The following PPP4R3B variants were observed in gnomAD, a reference collection of about 807,000 sequenced individuals.
PPP4R3B encodes protein phosphatase 4 regulatory subunit 3B, also known as serine/threonine-protein phosphatase 4 regulatory subunit 3B.
In PPP4R3B, 52 loss-of-function variants were observed where a neutral mutation model predicts 95.4. The ratio of observed to expected loss-of-function variants is 0.54; its 90% confidence interval spans 0.44 to 0.69. The LOEUF is 0.69. Among genes scored for constraint, PPP4R3B ranks in the 30% least tolerant of loss-of-function variants. The pLI is 0.00. For synonymous variants in PPP4R3B, 407 were observed against 343.9 expected, an observed-to-expected ratio of 1.18 and a Z score of -2.03; for missense variants, 1,003 against 1,005.9, an observed-to-expected ratio of 1.00 and a Z score of 0.04.
intron 4 of PPP4R3B, among the ~76,000 whole-genome samples, chr2:55,595,462 T>C (rs1224268736): frequency 5.3e-5 from 8 of 151,818 alleles, no homozygotes; most frequent in Non-Finnish European, 1.2e-4. Flanking sequence ...CCTGTCTCTA[T>C]ATAAAAAATA....
In PPP4R3B at chr2:55,585,055, T is replaced by C; in HGVS notation, c.1229A>G (p.Asp410Gly). 1 of 1,608,272 alleles carries C rather than the reference T, an allele frequency of 6.2e-7. No individual in the cohort carries two copies. The highest frequency in any genetic ancestry group is 8.5e-7 in the Non-Finnish European group (1 of 1,176,464). Residue 410 changes from aspartate to glycine, a missense_variant, in exon 7 of 17, where the codon GAT (aspartate) becomes GGT (glycine). Coordinates refer to ENST00000616407, the MANE Select transcript of PPP4R3B (RefSeq NM_001122964.3). ...AACCACAGCATTATTACTTACGTCATCACTCTGCTGAGCTTCTTGCATTAC... is the reference window on the plus strand; with the variant it reads ...AACCACAGCATTATTACTTACGTCACCACTCTGCTGAGCTTCTTGCATTAC... ...EFVMQEAQQS[D>G]DDILLINVVI...
chr2:55,595,426 G>A (rs1333979591), intron 4 of PPP4R3B, among the ~76,000 whole-genome samples: 9 of 150,902 alleles, frequency 6.0e-5, no homozygotes, highest in Non-Finnish European at 1.2e-4. Flanking sequence ...AGGAGTTTGA[G>A]ACCAGCCTGG....
At position 55,568,148 on chromosome 2, in the gene PPP4R3B, TTTACATATAA is replaced by T. The variant is rs762361783; in HGVS notation, c.1935+36_1935+45del. Reference sequence around the variant, plus strand: ...TGTAATTCTTTTACATAAAAAATTATTTACATATAATTACATATAATAACAGCTGTTTTAT... The same window carrying T: ...TGTAATTCTTTTACATAAAAAATTATTTACATATAATAACAGCTGTTTTAT... On this transcript the variant is annotated intron_variant, in intron 13 of 16. Coordinates refer to ENST00000616407, the MANE Select transcript of PPP4R3B (RefSeq NM_001122964.3). 6 of 1,248,402 alleles carry T rather than the reference TTTACATATAA, an allele frequency of 4.8e-6. No homozygotes were observed. The African/African-American group carries it at 7.8e-5, about 16-fold the overall frequency. The allele number at this position is 1,248,402 out of a possible 1,614,324, so 77.3% of individuals were successfully genotyped here.
At chr2:55,561,218 G>T (rs377055624) in intron 15 of PPP4R3B, among the ~76,000 whole-genome samples, 37 of 152,234 alleles carry the variant, frequency 2.4e-4, no homozygotes, top group African/African-American at 8.4e-4. Context: ...CATGTGACAC[G>T]GGGCCTGTGG....
At chr2:55,560,476 A>T (rs888974830) in intron 15 of PPP4R3B, among the ~76,000 whole-genome samples, 1 of 152,136 alleles carries the variant, frequency 6.6e-6, no homozygotes. Flanking sequence ...CTAAGCAGCA[A>T]AGCATTCAAG....
In PPP4R3B at chr2:55,586,630, A is replaced by C; in HGVS notation, c.1104T>G (p.Leu368=). 6.3e-7 allele frequency: 1 copy of C among 1,595,460 alleles called. No individual in the cohort carries two copies. The highest frequency in any genetic ancestry group is 8.6e-7 in the Non-Finnish European group (1 of 1,167,996). The change falls in exon 6 of 17, where the codon CTT becomes CTG. Residue 368 remains leucine, a synonymous_variant. Coordinates refer to ENST00000616407, the MANE Select transcript of PPP4R3B (RefSeq NM_001122964.3). The part of the protein sequence containing the change: ...TLAKLGILPA[L]EIVMGMDDLQ... ...ACGGCATAATTACCATTACAATTTC[A>C]AGAGCAGGAAGAATTCCCAATTTTG...
At chr2:55,596,220 C>T (rs546911002) in intron 4 of PPP4R3B, among the ~76,000 whole-genome samples, 2 of 152,166 alleles carry the variant, frequency 1.3e-5, no homozygotes, top group South Asian at 4.2e-4. Context: ...TTTACATAAA[C>T]ACGCTCTTTG....
rs1688263148 is a variant in PPP4R3B at position 55,573,486 on chromosome 2, T to C, written c.1765+133A>G. The C allele has an allele frequency of 4.8e-6, 4 of 827,386 alleles. No individual in the cohort carries two copies. In the South Asian group the frequency reaches 6.0e-5, roughly 12 times the overall value. The allele number at this position is 827,386 out of a possible 1,614,324, so 51.3% of individuals were successfully genotyped here. A position where few individuals can be genotyped will look rare whatever the true frequency, so the allele number is the denominator to read the frequency against. On this transcript the variant is annotated intron_variant, in intron 12 of 16. Coordinates refer to ENST00000616407, the MANE Select transcript of PPP4R3B (RefSeq NM_001122964.3). ...CAACCTAGTCCTCTTGCCCTTTAAATAAGAACAAAAGAATAGGACTTCTCA... is the reference window on the plus strand; with the variant it reads ...CAACCTAGTCCTCTTGCCCTTTAAACAAGAACAAAAGAATAGGACTTCTCA...
At chr2:55,612,666 C>T (rs542149125) in intron 2 of PPP4R3B, among the ~76,000 whole-genome samples, 28 of 151,944 alleles carry the variant, frequency 1.8e-4, no homozygotes, top group South Asian at 8.3e-4. Context: ...TAAGGTTGGC[C>T]GGGCTTGGTG....
rs1372782436 is a variant in PPP4R3B at position 55,573,019 on chromosome 2, A to G, written c.1765+600T>C. Among the ~76,000 whole-genome samples, 5 of 152,344 alleles carry G rather than the reference A, an allele frequency of 3.3e-5. No homozygotes were observed. The East Asian group carries it at 9.6e-4, about 29-fold the overall frequency. ...ATACATGTGTGAATATGTTTATTAC[A>G]TAAATTGGTACAGGTATGAAAAAAA... is the stretch of plus-strand genomic sequence containing the variant. On this transcript the variant is annotated intron_variant, in intron 12 of 16. Transcript: ENST00000616407.
intron 3 of PPP4R3B, among the ~76,000 whole-genome samples, chr2:55,603,025 G>T (rs1692853253): frequency 6.6e-6 from 1 of 151,306 alleles, no homozygotes; most frequent in East Asian, 1.9e-4. Context: ...CATTATCTTG[G>T]CTCACTGAAA....
At chr2:55,592,292 G>A (rs1007576868) in intron 4 of PPP4R3B, among the ~76,000 whole-genome samples, 4 of 152,180 alleles carry the variant, frequency 2.6e-5, no homozygotes, top group African/African-American at 9.7e-5. Context: ...GATGGATTTA[G>A]AATCCAGGCC....
chr2:55,597,410 CAGG>C (rs1359846561), intron 4 of PPP4R3B, among the ~76,000 whole-genome samples: 1 of 152,028 alleles, frequency 6.6e-6, no homozygotes, highest in Non-Finnish European at 1.5e-5. Context: ...ATCACAAGGT[CAGG>C]AGATCGAGAC....
intron 2 of PPP4R3B, among the ~76,000 whole-genome samples, chr2:55,613,809 T>TA (rs200188103): frequency 0.11 from 14,949 of 141,762 alleles, 879 homozygotes; most frequent in Middle Eastern, 0.16. Flanking sequence ...GGAAATATGG[T>TA]AAAAAAAAAA....
In PPP4R3B at chr2:55,617,127, A is replaced by G. The variant is rs543659562; in HGVS notation, c.142+17T>C. ...CCAGAGGCACTATCCCCTATTCTAC[A>G]GTTCCGATAACCTTACCGTCGGACT... On this transcript the variant is annotated intron_variant, in intron 1 of 16. Transcript: ENST00000616407. 1 of 1,604,740 alleles carries G rather than the reference A, an allele frequency of 6.2e-7. No homozygotes were observed. Among genetic ancestry groups the G allele is most frequent in the South Asian group, 1.1e-5 (1 of 90,450 alleles).
In PPP4R3B at chr2:55,564,438, T is replaced by C; in HGVS notation, c.2135A>G (p.Asp712Gly). The change falls in exon 15 of 17, where the codon GAT becomes GGT. Residue 712 changes from aspartate (D) to glycine (G), a missense_variant. Around this residue, in one of 3 missense-constraint regions of PPP4R3B, gnomAD observed 229 missense variants for 194.7 expected, o/e 1.18. Transcript: ENST00000616407. ...ATCTTCATTAAACCACATTTCTTCA[T>C]CCTCTTCCAAGGCTTTTGCATCTCT... is the stretch of plus-strand genomic sequence containing the variant. ...FRRDAKALEE[D>G]EEMWFNEDEE... is the part of the protein sequence containing the mutation. 3 of 1,613,708 alleles carry C rather than the reference T, an allele frequency of 1.9e-6. No homozygotes were observed. Among genetic ancestry groups the C allele is most frequent in the Non-Finnish European group, 2.5e-6 (3 of 1,179,842 alleles).
chr2:55,612,343 C>T (rs1433864113), intron 2 of PPP4R3B, among the ~76,000 whole-genome samples: 1 of 152,182 alleles, frequency 6.6e-6, no homozygotes, highest in East Asian at 1.9e-4. Context: ...CTAAATGATG[C>T]CTTTTACAAA....
At chr2:55,581,493 T>C (rs1306861130) in intron 8 of PPP4R3B, 74 bp downstream of exon 8, 1 of 1,445,290 alleles carries the variant, frequency 6.9e-7, no homozygotes, top group South Asian at 1.4e-5. Context: ...AAATACTTGT[T>C]TCTCAAAATC....
At chr2:55,604,184 C>A in intron 2 of PPP4R3B, 108 bp from the exon 3 acceptor site, 2 of 663,152 alleles carry the variant, frequency 3.0e-6, no homozygotes, top group Middle Eastern at 3.7e-4. Context: ...ACAAATGCCC[C>A]GATATGAGTA....
Sources: gnomAD v4.1 joint callset for allele counts (sites outside exome capture counted in the v4.1 genomes callset) on GRCh38, gnomAD v4.1.1 for gene constraint, gnomAD v4.1.1 regional missense constraint, MANE v1.5 for transcripts, NCBI Gene and HGNC (gene_info 2026-07-23, HGNC 2026-07-21) for gene names.